Variants in MAGI2 observed in about 807,000 individuals in gnomAD.
The protein encoded by MAGI2 is membrane associated guanylate kinase, WW and PDZ domain containing 2.
MAGI2 carries 35 observed loss-of-function variants against 133.3 expected under a neutral mutation model. The ratio of observed to expected loss-of-function variants is 0.26; its 90% confidence interval spans 0.20 to 0.35. The LOEUF (loss-of-function observed/expected upper bound fraction) is 0.35. Ranked by LOEUF, MAGI2 falls within the 10% of genes least tolerant of loss-of-function variation. The probability of loss-of-function intolerance (pLI) is 1.00; values close to 1 mark genes in which losing one functional copy is unlikely to be tolerated. For synonymous variants in MAGI2, 729 were observed against 710.6 expected, an observed-to-expected ratio of 1.03 and a Z score of -0.41; for missense variants, 1,636 against 1,863.4, an observed-to-expected ratio of 0.88 and a Z score of 2.25.
At chr7:78,562,201 G>A (rs180886584) in intron 3 of MAGI2, among the ~76,000 whole-genome samples, 94 of 152,268 alleles carry the variant, frequency 6.2e-4, no homozygotes, top group Middle Eastern at 3.4e-3. Context: ...ATCACTATGA[G>A]AGCATTAAAA....
chr7:78,254,451 C>G (rs1286344571), intron 10 of MAGI2: 1 of 152,146 alleles, frequency 6.6e-6, no homozygotes, highest in African/African-American at 2.4e-5. Context: ...TTAAGCAATG[C>G]AAGAAATTAA....
intron 6 of MAGI2, among the ~76,000 whole-genome samples, chr7:78,460,006 C>T (rs1402017002): frequency 6.6e-6 from 1 of 152,208 alleles, no homozygotes; most frequent in Non-Finnish European, 1.5e-5. Flanking sequence ...ATTTATTTTG[C>T]CTGTCTTCTA....
intron 14 of MAGI2, among the ~76,000 whole-genome samples, chr7:78,173,325 A>G (rs1044550768): frequency 6.6e-6 from 1 of 152,240 alleles, no homozygotes; most frequent in Non-Finnish European, 1.5e-5. Context: ...CTTCTGCACC[A>G]GGCAAAGTCC....
intron 6 of MAGI2, among the ~76,000 whole-genome samples, chr7:78,444,258 C>G (rs1264735495): frequency 6.6e-6 from 1 of 152,042 alleles, no homozygotes. Flanking sequence ...AGGTGACACT[C>G]AGTATTAACC....
chr7:78,360,161 T>G (rs1476831422), intron 7 of MAGI2, among the ~76,000 whole-genome samples: 1 of 152,246 alleles, frequency 6.6e-6, no homozygotes, highest in Non-Finnish European at 1.5e-5. Context: ...TTGGTTTGAC[T>G]TCCTCAGTTT....
At chr7:78,532,430 G>A (rs750488289) in intron 3 of MAGI2, among the ~76,000 whole-genome samples, 25 of 152,190 alleles carry the variant, frequency 1.6e-4, no homozygotes, top group Non-Finnish European at 2.5e-4. Context: ...TGGTTGCAGA[G>A]TGTTTCTATT....
At chr7:78,573,992 G>A (rs1206174750) in intron 3 of MAGI2, among the ~76,000 whole-genome samples, 1 of 152,142 alleles carries the variant, frequency 6.6e-6, no homozygotes, top group African/African-American at 2.4e-5. Flanking sequence ...TATGTATACA[G>A]GTGGCCTTAG....
intron 10 of MAGI2, among the ~76,000 whole-genome samples, chr7:78,203,934 T>C (rs919585636): frequency 2.0e-5 from 3 of 152,212 alleles, no homozygotes; most frequent in Non-Finnish European, 4.4e-5. Context: ...TCTTACTTTT[T>C]TTGTGGGGAT....
intron 9 of MAGI2, among the ~76,000 whole-genome samples, chr7:78,299,686 C>T (rs929924540): frequency 6.6e-6 from 1 of 152,054 alleles, no homozygotes; most frequent in African/African-American, 2.4e-5. Context: ...GATTGCTGCA[C>T]AGATCATTCC....
chr7:78,833,876 C>T (rs1428389251), intron 2 of MAGI2, among the ~76,000 whole-genome samples: 1 of 152,098 alleles, frequency 6.6e-6, no homozygotes, highest in Non-Finnish European at 1.5e-5. Context: ...CTGTTAGGAA[C>T]AATTTTGTTA....
chr7:78,171,274 G>A (rs576462379), intron 14 of MAGI2, among the ~76,000 whole-genome samples: 1 of 152,222 alleles, frequency 6.6e-6, no homozygotes, highest in Admixed American at 6.5e-5. Context: ...AACTCATATT[G>A]GTTTCCCAAT....
rs566263548 is a variant in MAGI2 at position 78,612,416 on chromosome 7, G to A, written c.538+14704C>T. Among the ~76,000 whole-genome samples, 26 of 152,198 alleles carry A rather than the reference G, an allele frequency of 1.7e-4. 1 individual carries two copies. Among genetic ancestry groups the A allele is most frequent in the Admixed American group, 1.7e-3 (26 of 15,294 alleles). On this transcript the variant is annotated intron_variant, in intron 3 of 21. Transcript: ENST00000354212. Reference sequence around the variant, plus strand: ...TAAAGGGAATGTAACCAGCTAACATGAGAATGAGTATTAACGGGATGCTTT... The same window carrying A: ...TAAAGGGAATGTAACCAGCTAACATAAGAATGAGTATTAACGGGATGCTTT...
chr7:78,573,590 C>T (rs1801960503), intron 3 of MAGI2, among the ~76,000 whole-genome samples: 1 of 149,356 alleles, frequency 6.7e-6, no homozygotes, highest in Non-Finnish European at 1.5e-5. Context: ...TTCATTTATT[C>T]CCAATTATTT....
intron 1 of MAGI2, among the ~76,000 whole-genome samples, chr7:79,280,133 T>C (rs1835521980): frequency 6.6e-6 from 1 of 152,216 alleles, no homozygotes; most frequent in South Asian, 2.1e-4. Flanking sequence ...ATAATAAGTC[T>C]TGGTCTCTGT....
intron 10 of MAGI2, among the ~76,000 whole-genome samples, chr7:78,220,358 G>A (rs908690471): frequency 2.0e-5 from 3 of 152,016 alleles, no homozygotes; most frequent in Non-Finnish European, 2.9e-5. Context: ...ATGGTACCCT[G>A]GCTGCACTCT....
At chr7:78,706,146 G>C (rs1482883245) in intron 2 of MAGI2, among the ~76,000 whole-genome samples, 1 of 148,996 alleles carries the variant, frequency 6.7e-6, no homozygotes, top group Non-Finnish European at 1.5e-5. Context: ...GTTTGGCTGT[G>C]TCCCCCCCCA....
intron 2 of MAGI2, among the ~76,000 whole-genome samples, chr7:78,963,867 C>G (rs1803078468): frequency 6.6e-6 from 1 of 151,950 alleles, no homozygotes; most frequent in Admixed American, 6.6e-5. Flanking sequence ...GTTTTTATTA[C>G]ATTAATAAAA....
At chr7:78,244,364 C>CT (rs1400247504) in intron 10 of MAGI2, among the ~76,000 whole-genome samples, 2 of 151,618 alleles carry the variant, frequency 1.3e-5, no homozygotes, top group African/African-American at 2.4e-5. Context: ...GACAGAAACT[C>CT]TAAAAAAAAT....
chr7:78,641,374 G>GC (rs1810288071), intron 2 of MAGI2, among the ~76,000 whole-genome samples: 1 of 152,020 alleles, frequency 6.6e-6, no homozygotes, highest in South Asian at 2.1e-4. Flanking sequence ...GGCTTTGCTG[G>GC]CCATACTGTC....
Sources: allele counts gnomAD v4.1 joint callset (sites outside exome capture counted in the v4.1 genomes callset), GRCh38; gene constraint gnomAD v4.1.1; transcripts MANE v1.5; gene names NCBI Gene and HGNC (gene_info 2026-07-23, HGNC 2026-07-21).